Variants in ENTPD3 observed in about 807,000 individuals in gnomAD.
The protein encoded by ENTPD3 is ectonucleoside triphosphate diphosphohydrolase 3, also known as CD39 antigen-like 3.
Under a neutral mutation model 51.2 loss-of-function variants are expected in ENTPD3, and 60 were observed. That is an observed-to-expected ratio of 1.17 (90% CI 0.95 to 1.45). The LOEUF is 1.45. Among genes scored for constraint, ENTPD3 ranks in the 40% most tolerant of loss-of-function variants. The pLI is 0.00. For synonymous variants in ENTPD3, 221 were observed against 238.4 expected, an observed-to-expected ratio of 0.93 and a Z score of 0.67; for missense variants, 593 against 641.1, an observed-to-expected ratio of 0.93 and a Z score of 0.81.
intron 9 of ENTPD3, 112 bp downstream of exon 9, chr3:40,423,513 C>A: frequency 1.2e-6 from 1 of 817,606 alleles, no homozygotes; most frequent in African/African-American, 1.7e-5. Context: ...TCCATCACAT[C>A]TGTAAAATAA....
At chr3:40,411,269 C>T (rs1214670914) in intron 4 of ENTPD3, among the ~76,000 whole-genome samples, 5 of 140,016 alleles carry the variant, frequency 3.6e-5, no homozygotes, top group South Asian at 2.2e-4. Context: ...CCAGGCTGGG[C>T]GACAGAACAA....
intron 2 of ENTPD3, among the ~76,000 whole-genome samples, chr3:40,388,572 GCACACACACACAGA>G (rs200695460): frequency 0.04 from 3,725 of 93,950 alleles, 67 homozygotes; most frequent in South Asian, 0.074. Context: ...ACACTGGAAG[GCACACACACACAGA>G]CACACACACA....
Position 40,397,228 on chromosome 3 carries a change from T to A in ENTPD3, c.169-3666T>A, listed in dbSNP as rs547944590. Among the ~76,000 whole-genome samples, 4 of 148,428 alleles carry A rather than the reference T, an allele frequency of 2.7e-5. No homozygotes were observed. The South Asian group carries it at 9.0e-4, about 33-fold the overall frequency. The stretch of plus-strand genomic sequence containing the variant: ...AACTAAGACTTTACTTTCAAGGGAC[T>A]TTTTGTTTAAATAAGAAAGTCTGCA... On this transcript the variant is annotated intron_variant, in intron 3 of 10. Transcript: ENST00000301825.
intron 7 of ENTPD3, among the ~76,000 whole-genome samples, chr3:40,421,939 C>T (rs4283549): frequency 0.014 from 2,066 of 152,180 alleles, 31 homozygotes; most frequent in Admixed American, 0.02. Context: ...GGAGACTTCA[C>T]TTTCATATGT....
intron 4 of ENTPD3, among the ~76,000 whole-genome samples, chr3:40,410,222 C>G (rs1038902848): frequency 1.3e-5 from 2 of 152,284 alleles, no homozygotes; most frequent in African/African-American, 4.8e-5. Context: ...GGGTGGATCA[C>G]TTGAGGCCAG....
Position 40,423,348 on chromosome 3 carries a change from C to A in ENTPD3, c.1162C>A (p.Leu388Met). 1 of 1,614,026 alleles carries A rather than the reference C, an allele frequency of 6.2e-7. No homozygotes were observed. The highest frequency in any genetic ancestry group is 8.5e-7 in the Non-Finnish European group (1 of 1,179,958). Residue 388 changes from leucine to methionine, a missense_variant, in exon 9 of 11, where the codon CTG becomes ATG. Transcript: ENST00000301825. ...TTTAAATCTTTCAGGTAGCTTTTCC[C>A]TGGACACCTTCAACTCCAGCACCTG... ...SALNLSGSFS[L>M]DTFNSSTWNF... is the part of the protein sequence containing the mutation.
chr3:40,423,904 T>G lies in ENTPD3; in HGVS notation c.1294T>G (p.Phe432Val). Reference protein sequence around the residue: ...CFSANYIYHLFVNGYKFTEET... With the variant: ...CFSANYIYHLVVNGYKFTEET... ...CTCAGCCAACTACATCTACCACTTGTTTGTGAACGGTTACAAATTCACAGA... is the reference window on the plus strand; with the variant it reads ...CTCAGCCAACTACATCTACCACTTGGTTGTGAACGGTTACAAATTCACAGA... The change falls in exon 10 of 11, where the codon TTT (phenylalanine) becomes GTT (valine). Residue 432 changes from phenylalanine (F) to valine (V), a missense_variant. Physicochemically the swap from Phe to Val is conservative, Grantham distance 50. Transcript: ENST00000301825. The G allele has an allele frequency of 6.2e-7, 1 of 1,614,174 alleles. No individual in the cohort carries two copies. Among genetic ancestry groups the G allele is most frequent in the South Asian group, 1.1e-5 (1 of 91,072 alleles).
chr3:40,388,220 C>A, intron 2 of ENTPD3, 123 bp downstream of exon 2: 1 of 875,446 alleles, frequency 1.1e-6, no homozygotes, highest in Non-Finnish European at 1.9e-6. Context: ...TGGTTTGAGA[C>A]TCAGTACTCA....
At chr3:40,417,031 A>T (rs561267930) in intron 7 of ENTPD3, among the ~76,000 whole-genome samples, 1 of 152,232 alleles carries the variant, frequency 6.6e-6, no homozygotes, top group African/African-American at 2.4e-5. Flanking sequence ...GCATTTACCC[A>T]GTGTTCATGC....
chr3:40,427,393 C>A lies in ENTPD3; in HGVS notation c.1475C>A (p.Ala492Asp). 1 of 1,613,974 alleles carries A rather than the reference C, an allele frequency of 6.2e-7. No homozygotes were observed. Among genetic ancestry groups the A allele is most frequent in the Non-Finnish European group, 8.5e-7 (1 of 1,180,042 alleles). Residue 492 changes from alanine (A) to aspartate (D), a missense_variant, in exon 11 of 11, where the codon GCT (alanine) becomes GAT (aspartate). Ala to Asp is a moderately radical substitution (Grantham distance 126). Transcript: ENST00000301825. ...IEPPVFVGTLAFFTAAALLCL... is the reference protein window; with the variant it reads ...IEPPVFVGTLDFFTAAALLCL... ...CCACCTGTCTTTGTGGGCACCCTCG[C>A]TTTCTTCACAGCGGCAGCCTTGCTG...
intron 4 of ENTPD3, among the ~76,000 whole-genome samples, 199 bp downstream of exon 4, chr3:40,401,210 G>A (rs1201186105): frequency 1.3e-5 from 2 of 152,132 alleles, no homozygotes; most frequent in African/African-American, 4.8e-5. Flanking sequence ...TCCCTTCTCT[G>A]GGCCTCAGTG....
At chr3:40,408,904 C>A (rs898230840) in intron 4 of ENTPD3, among the ~76,000 whole-genome samples, 1 of 150,086 alleles carries the variant, frequency 6.7e-6, no homozygotes, top group Non-Finnish European at 1.5e-5. Context: ...CATCCATAAT[C>A]CTTCCCACCA....
At chr3:40,425,273 T>C (rs1955958891) in intron 10 of ENTPD3, among the ~76,000 whole-genome samples, 1 of 151,716 alleles carries the variant, frequency 6.6e-6, no homozygotes, top group South Asian at 2.1e-4. Flanking sequence ...CGAAATTAGC[T>C]GGGCATGTTG....
chr3:40,405,819 T>C (rs367552913), intron 4 of ENTPD3, among the ~76,000 whole-genome samples: 2 of 152,204 alleles, frequency 1.3e-5, no homozygotes, highest in East Asian at 1.9e-4. Flanking sequence ...GACCAGCTCC[T>C]TGCAGATTAT....
rs111576875 is a variant in ENTPD3 at position 40,392,189 on chromosome 3, G to T, written c.168+39G>T. On this transcript the variant is annotated intron_variant, in intron 3 of 10. Transcript: ENST00000301825. ...GACTGGCAACAAAGGGAAGAAATGA[G>T]CATAAAGGGGAAGAAATCAATTATT... 7.9e-3 allele frequency: 12,582 copies of T among 1,600,374 alleles called. 786 individuals are homozygous for T. In the African/African-American group the frequency reaches 0.14, roughly 18 times the overall value.
intron 10 of ENTPD3, chr3:40,424,853 T>C: frequency 1.4e-6 from 1 of 696,894 alleles, no homozygotes; most frequent in South Asian, 1.5e-5. Flanking sequence ...CCAATCAATA[T>C]CCTGCATTAG....
intron 5 of ENTPD3, 36 bp downstream of exon 5, chr3:40,411,998 CA>C: frequency 6.4e-7 from 1 of 1,567,562 alleles, no homozygotes; most frequent in Non-Finnish European, 8.6e-7. Flanking sequence ...CCCATTTGAC[CA>C]AAATAACCAA....
At chr3:40,424,260 T>C (rs1464483598) in intron 10 of ENTPD3, 17 of 663,656 alleles carry the variant, frequency 2.6e-5, no homozygotes, top group Non-Finnish European at 3.2e-5. Context: ...GCACAAGGAA[T>C]AGAGCCTAGA....
Position 40,427,665 on chromosome 3 carries a change from C to A in ENTPD3, c.*157C>A. 1 of 627,042 alleles carries A rather than the reference C, an allele frequency of 1.6e-6. No individual in the cohort carries two copies. Among genetic ancestry groups the A allele is most frequent in the Non-Finnish European group, 2.8e-6 (1 of 351,798 alleles). 38.8% of individuals were successfully genotyped at this position (627,042 alleles called of 1,614,324 possible). ...CAAATACTGATTTCTGCCACAGCACCTCTTGAGGCATCCCTTGGCTATTCT... is the reference window on the plus strand; with the variant it reads ...CAAATACTGATTTCTGCCACAGCACATCTTGAGGCATCCCTTGGCTATTCT... On this transcript the variant is annotated 3_prime_UTR_variant, in exon 11 of 11. Coordinates refer to ENST00000301825, the MANE Select transcript of ENTPD3 (RefSeq NM_001248.4).
Sources: allele counts gnomAD v4.1 joint callset (sites outside exome capture counted in the v4.1 genomes callset), GRCh38; gene constraint gnomAD v4.1.1; transcripts MANE v1.5; gene names NCBI Gene and HGNC (gene_info 2026-07-23, HGNC 2026-07-21).